ARMC2: variants seen among roughly 807,000 people sequenced by gnomAD.
ARMC2 encodes the protein armadillo repeat-containing protein 2.
ARMC2 carries 67 observed loss-of-function variants against 90.3 expected under a neutral mutation model. The ratio of observed to expected loss-of-function variants is 0.74; its 90% CI spans 0.61 to 0.91. The LOEUF (loss-of-function observed/expected upper bound fraction) is 0.91. ARMC2 is among the 40% of genes least tolerant of loss of function. ARMC2 has a pLI of 0.00. For missense variants in ARMC2, 920 were observed against 1,030.9 expected, an observed-to-expected ratio of 0.89 and a Z score of 1.47; for synonymous variants, 393 against 393.0, an observed-to-expected ratio of 1.00 and a Z score of 0.00.
intron 7 of ARMC2, among the ~76,000 whole-genome samples, chr6:108,900,164 G>A (rs1032993807): frequency 6.6e-6 from 1 of 152,218 alleles, no homozygotes; most frequent in African/African-American, 2.4e-5. Flanking sequence ...TGGAAGCTGA[G>A]TCTCATAAAC....
intron 17 of ARMC2, among the ~76,000 whole-genome samples, chr6:108,966,168 T>C (rs1390996800): frequency 1.3e-5 from 2 of 148,278 alleles, no homozygotes; most frequent in Non-Finnish European, 1.5e-5. Context: ...CCATAGGTGC[T>C]GAGTTTTTAA....
At chr6:109,018,987 C>G in the ARMC2 span, among the ~76,000 whole-genome samples, 3 of 152,040 alleles carry the variant, frequency 2.0e-5, no homozygotes, top group African/African-American at 4.8e-5. Context: ...CATTCATAAC[C>G]CCTTAATTTC....
chr6:108,986,039 T>C, the ARMC2 span, among the ~76,000 whole-genome samples: 2 of 152,140 alleles, frequency 1.3e-5, no homozygotes, highest in African/African-American at 4.8e-5. Context: ...AGGCACTAGA[T>C]TGAGCTCAAT....
At chr6:108,928,475 G>A (rs1054879056) in intron 11 of ARMC2, among the ~76,000 whole-genome samples, 1 of 152,072 alleles carries the variant, frequency 6.6e-6, no homozygotes, top group Non-Finnish European at 1.5e-5. Context: ...TTAGTTCTTT[G>A]GTGAGTTGTG....
rs924828330 is a variant in ARMC2, at chr6:108,907,949, T to G, written c.1024-2950T>G. 3.2e-6 allele frequency: 4 copies of G among 1,251,730 alleles called. No individual in the cohort carries two copies. In the African/African-American group the frequency reaches 6.0e-5, roughly 19 times the overall value. The allele number at this position is 1,251,730 out of a possible 1,614,324, so 77.5% of individuals were successfully genotyped here. On this transcript the variant is annotated intron_variant, in intron 8 of 17. Coordinates refer to ENST00000392644, the MANE Select transcript of ARMC2 (RefSeq NM_032131.6). ...TTTCTGGGGGTTTTAAACAATATTATTTTAAATACCTAATCATTAAACATT... is the reference window on the plus strand; with the variant it reads ...TTTCTGGGGGTTTTAAACAATATTAGTTTAAATACCTAATCATTAAACATT...
At chr6:109,026,953 T>G in the ARMC2 span, among the ~76,000 whole-genome samples, 2 of 152,050 alleles carry the variant, frequency 1.3e-5, no homozygotes, top group Admixed American at 6.5e-5. Context: ...ATGGATCACT[T>G]GAGGCCTGGA....
At chr6:108,888,601 A>G (rs1320647580) in intron 5 of ARMC2, among the ~76,000 whole-genome samples, 1 of 152,222 alleles carries the variant, frequency 6.6e-6, no homozygotes, top group Non-Finnish European at 1.5e-5. Context: ...ACATAAGTCC[A>G]TCTATTCTTC....
chr6:108,867,794 G>C (rs1485475028), intron 3 of ARMC2, among the ~76,000 whole-genome samples: 1 of 150,454 alleles, frequency 6.6e-6, no homozygotes, highest in Non-Finnish European at 1.5e-5. Context: ...AGTTAGCTGG[G>C]TGTGGTGGCA....
the ARMC2 span, among the ~76,000 whole-genome samples, chr6:109,016,321 T>G: frequency 6.6e-6 from 1 of 152,228 alleles, no homozygotes; most frequent in Admixed American, 6.5e-5. Context: ...TGATTATTAC[T>G]ACCAAGTGGT....
intron 5 of ARMC2, among the ~76,000 whole-genome samples, chr6:108,887,946 G>T (rs1403504048): frequency 6.6e-6 from 1 of 152,188 alleles, no homozygotes; most frequent in African/African-American, 2.4e-5. Context: ...GCCCAACCTG[G>T]ATGGGAAAAT....
intron 1 of ARMC2, among the ~76,000 whole-genome samples, chr6:108,853,262 T>C (rs1016760931): frequency 2.6e-5 from 4 of 152,214 alleles, no homozygotes; most frequent in Admixed American, 1.3e-4. Flanking sequence ...TCTGTTGTTA[T>C]GTAACAATGT....
At chr6:108,970,494 C>CTTTT (rs1156823883) in intron 17 of ARMC2, among the ~76,000 whole-genome samples, 38 of 117,348 alleles carry the variant, frequency 3.2e-4, no homozygotes, top group Non-Finnish European at 4.4e-4. Flanking sequence ...CTTCTCTTTT[C>CTTTT]TTTTTTTTTT....
At chr6:108,858,565 GTAT>G (rs1254121993) in intron 3 of ARMC2, among the ~76,000 whole-genome samples, 3 of 150,786 alleles carry the variant, frequency 2.0e-5, no homozygotes, top group Non-Finnish European at 1.5e-5. Context: ...TTATACATAT[GTAT>G]TATTTTCTTA....
chr6:108,909,726 G>C (rs1773213955), intron 8 of ARMC2, among the ~76,000 whole-genome samples: 1 of 151,980 alleles, frequency 6.6e-6, no homozygotes, highest in South Asian at 2.1e-4. Flanking sequence ...AGTAGAGATG[G>C]GGTTTCACCA....
At chr6:108,994,439 G>T in the ARMC2 span, 2 of 1,570,670 alleles carry the variant, frequency 1.3e-6, no homozygotes, top group South Asian at 2.4e-5. Flanking sequence ...TAATTATATT[G>T]ACTATATAAT....
intron 6 of ARMC2, among the ~76,000 whole-genome samples, chr6:108,899,037 A>G (rs1299417275): frequency 2.0e-5 from 3 of 152,222 alleles, no homozygotes; most frequent in Non-Finnish European, 4.4e-5. Flanking sequence ...TACCTATACC[A>G]TGTCTTTTAA....
At chr6:108,967,342 C>G (rs1259880640) in intron 17 of ARMC2, among the ~76,000 whole-genome samples, 1 of 152,182 alleles carries the variant, frequency 6.6e-6, no homozygotes, top group Non-Finnish European at 1.5e-5. Context: ...GTTACCCAAG[C>G]CTGGGGCAAT....
At chr6:109,022,802 G>A in the ARMC2 span, among the ~76,000 whole-genome samples, 1 of 152,106 alleles carries the variant, frequency 6.6e-6, no homozygotes, top group Non-Finnish European at 1.5e-5. Context: ...GGGAAACTCA[G>A]AGAGGTTAAG....
At chr6:108,881,769 G>A (rs1443420882) in intron 5 of ARMC2, among the ~76,000 whole-genome samples, 1 of 152,220 alleles carries the variant, frequency 6.6e-6, no homozygotes, top group South Asian at 2.1e-4. Flanking sequence ...ATGTGAAAGG[G>A]CTTTTGTGTG....
Sources: gnomAD v4.1 joint callset for allele counts (sites outside exome capture counted in the v4.1 genomes callset) on GRCh38, gnomAD v4.1.1 for gene constraint, MANE v1.5 for transcripts, NCBI Gene and HGNC (gene_info 2026-07-23, HGNC 2026-07-21) for gene names.